The following EGFL6 variants were observed in gnomAD, a reference collection of about 807,000 sequenced individuals.
EGFL6 encodes EGF like domain multiple 6.
EGFL6 carries 42 observed loss-of-function variants against 43.1 expected under a neutral mutation model. That is an observed-to-expected ratio of 0.98 (90% CI 0.76 to 1.26). EGFL6 has a LOEUF of 1.26. EGFL6 is among the 50% of genes most tolerant of loss of function. The pLI is 0.00. For missense variants in EGFL6, 429 were observed against 427.8 expected (o/e 1.00, Z -0.02); for synonymous variants, 164 against 163.2 (o/e 1.01, Z -0.04).
At position 13,569,879 on chromosome X, in the gene EGFL6, C is replaced by G; in HGVS notation, c.18C>G (p.Ser6Arg). 1.7e-6 allele frequency: 2 copies of G among 1,212,048 alleles called. No individual in the cohort carries two copies. The highest frequency in any genetic ancestry group is 2.2e-6 in the Non-Finnish European group (2 of 895,409). ...GTGCGAGAATGCCTCTGCCCTGGAG[C>G]CTTGCGCTCCCGCTGCTGCTCTCCT... MPLPW[S>R]LALPLLLSWV... Residue 6 changes from serine to arginine, a missense_variant, in exon 1 of 12, where the codon AGC becomes AGG. By Grantham distance (110) the Ser-to-Arg change is moderately radical (BLOSUM62 -1). Coordinates refer to ENST00000361306, the MANE Select transcript of EGFL6 (RefSeq NM_015507.4).
chrX:13,630,311 A>C (rs1413669559), intron 11 of EGFL6, among the ~76,000 whole-genome samples: 1 of 112,113 alleles, frequency 8.9e-6, no homozygotes, highest in African/African-American at 3.2e-5. Flanking sequence ...GGAGGTAAAA[A>C]TATAGTGAAA....
intron 7 of EGFL6, among the ~76,000 whole-genome samples, chrX:13,612,224 T>C (rs1271144750): frequency 9.1e-6 from 1 of 109,725 alleles, no homozygotes; most frequent in African/African-American, 3.3e-5. Context: ...CCCTGGGTAC[T>C]TGAGATTAGG....
intron 9 of EGFL6, among the ~76,000 whole-genome samples, 198 bp from the exon 10 acceptor site, chrX:13,623,626 C>G (rs1173901720): frequency 9.3e-6 from 1 of 108,001 alleles, no homozygotes; most frequent in Non-Finnish European, 1.9e-5. Flanking sequence ...CCTACCTCAG[C>G]CTCCCAAAGC....
At chrX:13,619,044 A>G (rs2045735309) in intron 8 of EGFL6, 119 bp from the exon 9 acceptor site, 1 of 540,486 alleles carries the variant, frequency 1.9e-6, no homozygotes, top group Non-Finnish European at 3.2e-6. Context: ...ACACTGCTCT[A>G]ATATATTCTG....
At position 13,625,620 on chromosome X, in the gene EGFL6, G is replaced by C. The variant is rs748119897; in HGVS notation, c.1286-1391G>C. Among the ~76,000 whole-genome samples, 4 of 110,692 alleles carry C rather than the reference G, an allele frequency of 3.6e-5. No individual in the cohort carries two copies. The South Asian group carries it at 1.5e-3, about 43-fold the overall frequency. On this transcript the variant is annotated intron_variant, in intron 10 of 11. Transcript: ENST00000361306. Reference sequence around the variant, plus strand: ...AATCGCTTGAACCCGGGAGGCGGAGGTTGCAGTGAGCTGAGATCGCACTAT... The same window carrying C: ...AATCGCTTGAACCCGGGAGGCGGAGCTTGCAGTGAGCTGAGATCGCACTAT...
intron 9 of EGFL6, among the ~76,000 whole-genome samples, chrX:13,623,377 G>GTTTTTATTTTTTTTT (rs2045759398): frequency 2.5e-5 from 1 of 40,371 alleles, no homozygotes; most frequent in Non-Finnish European, 4.2e-5. Flanking sequence ...TTTATTTTGG[G>GTTTTTATTTTTTTTT]TTTTTTTTTT....
intron 9 of EGFL6, among the ~76,000 whole-genome samples, chrX:13,623,032 A>T (rs1006874209): frequency 9.1e-6 from 1 of 110,261 alleles, no homozygotes; most frequent in Non-Finnish European, 1.9e-5. Context: ...CAAAAAAAAA[A>T]TTTAAAAATT....
intron 7 of EGFL6, among the ~76,000 whole-genome samples, chrX:13,615,336 G>C (rs1208806409): frequency 8.9e-6 from 1 of 112,536 alleles, no homozygotes; most frequent in Non-Finnish European, 1.9e-5. Flanking sequence ...AGATGTTTAG[G>C]TTTGCCTGGT....
chrX:13,574,125 G>A (rs2045457710), intron 1 of EGFL6, among the ~76,000 whole-genome samples: 1 of 112,190 alleles, frequency 8.9e-6, no homozygotes, highest in Admixed American at 9.4e-5. Context: ...GGAATTCTAG[G>A]AGACAGTAGA....
At chrX:13,625,536 T>C (rs745689624) in intron 10 of EGFL6, among the ~76,000 whole-genome samples, 1 of 109,471 alleles carries the variant, frequency 9.1e-6, no homozygotes, top group African/African-American at 3.3e-5. Context: ...ATACAAAAAT[T>C]AGCCGGGCGT....
At chrX:13,620,017 C>T (rs5935634) in intron 9 of EGFL6, among the ~76,000 whole-genome samples, 21,769 of 111,468 alleles carry the variant, frequency 0.2, 2,980 homozygotes, top group African/African-American at 0.49. Flanking sequence ...TGCCATATTC[C>T]ATTGGCCAAG....
At chrX:13,615,313 A>G in intron 7 of EGFL6, among the ~76,000 whole-genome samples, 1 of 112,901 alleles carries the variant, frequency 8.9e-6, no homozygotes, top group East Asian at 2.8e-4. Flanking sequence ...ACTTCAAAGC[A>G]GAAACTGAAA....
In EGFL6 at chrX:13,597,305, TCCCAGCC is replaced by T. The variant is rs1018898638; in HGVS notation, c.280+2379_280+2385del. On this transcript the variant is annotated intron_variant, in intron 3 of 11. Coordinates refer to ENST00000361306, the MANE Select transcript of EGFL6 (RefSeq NM_015507.4). ...CTGGACACCCACTCCACTCTACCACTCCCAGCCCTTGCTGCCAAGCCCAGAGGTTAGC... is the reference window on the plus strand; with the variant it reads ...CTGGACACCCACTCCACTCTACCACTCTTGCTGCCAAGCCCAGAGGTTAGC... 3.6e-5 allele frequency among the ~76,000 whole-genome samples: 4 copies of T among 111,548 alleles called. No individual in the cohort carries two copies. In the Admixed American group the frequency reaches 3.8e-4, roughly 11 times the overall value.
At chrX:13,623,220 G>A (rs995306165) in intron 9 of EGFL6, among the ~76,000 whole-genome samples, 2 of 108,143 alleles carry the variant, frequency 1.8e-5, no homozygotes, top group African/African-American at 6.7e-5. Context: ...AGAAAGTTCC[G>A]GCAAGGTCTT....
chrX:13,607,747 A>G (rs1487872527), intron 6 of EGFL6, among the ~76,000 whole-genome samples: 1 of 112,726 alleles, frequency 8.9e-6, no homozygotes, highest in East Asian at 2.8e-4. Flanking sequence ...ACTATTTTGT[A>G]CATACATGTC....
At chrX:13,597,546 G>A (rs144222960) in intron 3 of EGFL6, among the ~76,000 whole-genome samples, 1 of 111,363 alleles carries the variant, frequency 9.0e-6, no homozygotes, top group Non-Finnish European at 1.9e-5. Context: ...CACTTAGGGA[G>A]GTCGAGGTGG....
At chrX:13,596,681 A>G (rs2045599258) in intron 3 of EGFL6, 1 of 111,232 alleles carries the variant, frequency 9.0e-6, no homozygotes, top group South Asian at 3.9e-4. Flanking sequence ...ACACACCACC[A>G]CACCCAGCTG....
intron 4 of EGFL6, among the ~76,000 whole-genome samples, chrX:13,600,901 C>T (rs2045630969): frequency 9.1e-6 from 1 of 109,782 alleles, no homozygotes; most frequent in African/African-American, 3.3e-5. Flanking sequence ...ACAACCATCA[C>T]CCCTATCGAG....
chrX:13,630,135 C>T (rs1419757895), intron 11 of EGFL6, among the ~76,000 whole-genome samples: 1 of 111,440 alleles, frequency 9.0e-6, no homozygotes, highest in East Asian at 2.8e-4. Context: ...ACCACTTCTC[C>T]TTTTAACCTT....
Sources: allele counts gnomAD v4.1 joint callset (sites outside exome capture counted in the v4.1 genomes callset), GRCh38; gene constraint gnomAD v4.1.1; transcripts MANE v1.5; gene names NCBI Gene and HGNC (gene_info 2026-07-23, HGNC 2026-07-21).